ZNF681: variants seen among roughly 807,000 people sequenced by gnomAD.
ZNF681 encodes the protein zinc finger protein 681, also known as hypothetical protein FLJ31526.
ZNF681 carries 37 observed loss-of-function variants against 56.0 expected under a neutral mutation model. The ratio of observed to expected loss-of-function variants is 0.66; its 90% CI spans 0.51 to 0.87. ZNF681 has a LOEUF of 0.87. Among genes scored for constraint, ZNF681 ranks in the 40% least tolerant of loss-of-function variants. The probability of loss-of-function intolerance (pLI) is 0.00; values close to 1 mark genes in which losing one functional copy is unlikely to be tolerated. For synonymous variants in ZNF681, 225 were observed against 248.6 expected (o/e 0.91, Z 0.89); for missense variants, 741 against 744.9 (o/e 0.99, Z 0.06).
intron 1 of ZNF681, among the ~76,000 whole-genome samples, chr19:23,757,727 A>G (rs1054464685): frequency 1.3e-5 from 2 of 152,276 alleles, no homozygotes; most frequent in Non-Finnish European, 1.5e-5. Context: ...GGGTAGGGCC[A>G]GACCTAAATA....
intron 3 of ZNF681, among the ~76,000 whole-genome samples, chr19:23,745,939 A>G (rs1968938770): frequency 6.6e-6 from 1 of 152,218 alleles, no homozygotes; most frequent in African/African-American, 2.4e-5. Flanking sequence ...GCTCCCCAAT[A>G]TAACATAATG....
chr19:23,747,167 C>T (rs1968956106), intron 3 of ZNF681, among the ~76,000 whole-genome samples: 1 of 152,078 alleles, frequency 6.6e-6, no homozygotes, highest in African/African-American at 2.4e-5. Flanking sequence ...TAAATGTTTT[C>T]TGACTAAGAC....
In ZNF681 at chr19:23,741,001, C is replaced by T. The variant is rs113841642; in HGVS notation, c.*2611G>A. On this transcript the variant is annotated 3_prime_UTR_variant, in exon 4 of 4. Transcript: ENST00000402377. ...GGGAGATTCTGAATTATAAGCCATA[C>T]AATTTTACAGTAATCAATTCAATAC... 1 of 152,036 alleles carries T rather than the reference C, an allele frequency of 6.6e-6. No individual in the cohort carries two copies. The highest frequency in any genetic ancestry group is 2.4e-5 in the African/African-American group (1 of 41,414). The allele number at this position is 152,036 out of a possible 1,614,324, so 9.4% of individuals were successfully genotyped here.
chr19:23,744,894 ATTCTT>A lies in ZNF681; in HGVS notation c.651_655del (p.Lys217AsnfsTer11), dbSNP rs746458263. The stretch of plus-strand genomic sequence containing the variant: ...TATGTACGATTTCTCTCCAATATGA[ATTCTT>A]TTATGTTTAGTAAAGATTGAGGATC... On this transcript the variant is annotated frameshift_variant, in exon 4 of 4. Transcript: ENST00000402377. LOFTEE classifies it high-confidence loss of function. 3 of 1,610,076 alleles carry A rather than the reference ATTCTT, an allele frequency of 1.9e-6. No individual in the cohort carries two copies. The South Asian group carries it at 3.3e-5, about 18-fold the overall frequency.
intron 3 of ZNF681, among the ~76,000 whole-genome samples, chr19:23,751,692 ATT>A (rs1427514188): frequency 6.6e-6 from 1 of 150,840 alleles, no homozygotes; most frequent in Non-Finnish European, 1.5e-5. Context: ...TTATTTATTT[ATT>A]TATTTTTTTG....
rs777180489 is a variant in ZNF681, at chr19:23,755,560, C to G, written c.4-9G>C. Reference sequence around the variant, plus strand: ...CTAAATTTCAATGGTTCCTGAAAAACACACACACACACACACACACACACA... The same window carrying G: ...CTAAATTTCAATGGTTCCTGAAAAAGACACACACACACACACACACACACA... On this transcript the variant is annotated splice_polypyrimidine_tract_variant and intron_variant, in intron 1 of 3. Transcript: ENST00000402377. 9 of 1,158,414 alleles carry G rather than the reference C, an allele frequency of 7.8e-6. No homozygotes were observed. In the Middle Eastern group the frequency reaches 9.9e-4, roughly 128 times the overall value. 71.8% of individuals were successfully genotyped at this position (1,158,414 alleles called of 1,614,324 possible). A position where few individuals can be genotyped will look rare whatever the true frequency, so the allele number is the denominator to read the frequency against.
At chr19:23,748,535 C>G (rs534042357) in intron 3 of ZNF681, among the ~76,000 whole-genome samples, 19 of 152,232 alleles carry the variant, frequency 1.2e-4, no homozygotes, top group African/African-American at 4.1e-4. Context: ...TCAATAAATA[C>G]AAAGGGGTAT....
Position 23,743,490 on chromosome 19 carries a change from G to A in ZNF681, c.*122C>T. 1 of 878,980 alleles carries A rather than the reference G, an allele frequency of 1.1e-6. No individual in the cohort carries two copies. The highest frequency in any genetic ancestry group is 1.6e-6 in the Non-Finnish European group (1 of 612,300). 54.4% of individuals were successfully genotyped at this position (878,980 alleles called of 1,614,324 possible). ...CAAATGCTTTCCTGTGCAATAAGGT[G>A]TGAGCATTGGTTAAAAGTTTTGCCA... On this transcript the variant is annotated 3_prime_UTR_variant, in exon 4 of 4. Coordinates refer to ENST00000402377, the MANE Select transcript of ZNF681 (RefSeq NM_138286.3).
At chr19:23,751,982 C>A (rs142109601) in intron 3 of ZNF681, among the ~76,000 whole-genome samples, 1,790 of 152,240 alleles carry the variant, frequency 0.012, 40 homozygotes, top group African/African-American at 0.04. Flanking sequence ...CCACTGCGCC[C>A]GGCCTGAGGT....
rs993413792 is a variant in ZNF681, at chr19:23,740,529, A to G, written c.*3083T>C. 3.3e-5 allele frequency: 5 copies of G among 152,188 alleles called. No individual in the cohort carries two copies. The highest frequency in any genetic ancestry group is 9.7e-5 in the African/African-American group (4 of 41,444). 9.4% of individuals were successfully genotyped at this position (152,188 alleles called of 1,614,324 possible). ...GTTCCATCTCTGTCTTGAAGTTACA[A>G]ACTAACTCCAACAGGAATATTTATG... On this transcript the variant is annotated 3_prime_UTR_variant, in exon 4 of 4. Transcript: ENST00000402377.
intron 3 of ZNF681, among the ~76,000 whole-genome samples, chr19:23,747,517 G>A (rs2144843378): frequency 6.6e-6 from 1 of 151,718 alleles, no homozygotes; most frequent in East Asian, 2.0e-4. Context: ...GCGGGCACCT[G>A]TAGTCCCAGC....
intron 3 of ZNF681, among the ~76,000 whole-genome samples, chr19:23,754,464 G>C (rs1182111015): frequency 6.7e-6 from 1 of 148,526 alleles, no homozygotes; most frequent in Non-Finnish European, 1.5e-5. Flanking sequence ...AGGAGTTCGA[G>C]ACCAGCCTGG....
intron 3 of ZNF681, among the ~76,000 whole-genome samples, chr19:23,746,576 C>T (rs1307384927): frequency 1.3e-5 from 2 of 152,034 alleles, no homozygotes; most frequent in Non-Finnish European, 2.9e-5. Context: ...TTTTTGATTA[C>T]CAAGAGGGTG....
chr19:23,755,020 A>C, intron 2 of ZNF681, 102 bp from the exon 3 acceptor site: 1 of 793,190 alleles, frequency 1.3e-6, no homozygotes, highest in Non-Finnish European at 2.0e-6. Context: ...ATTCTTGTAA[A>C]TCAATCCCAA....
At chr19:23,758,040 G>T (rs879649149) in intron 1 of ZNF681, among the ~76,000 whole-genome samples, 5 of 152,182 alleles carry the variant, frequency 3.3e-5, no homozygotes, top group Admixed American at 2.0e-4. Flanking sequence ...TAATTCTTCT[G>T]TCTATAAATA....
At chr19:23,757,829 TTC>T (rs1018352567) in intron 1 of ZNF681, among the ~76,000 whole-genome samples, 12 of 152,210 alleles carry the variant, frequency 7.9e-5, no homozygotes, top group African/African-American at 2.9e-4. Context: ...GTATTTCCAG[TTC>T]TGTTTTTCCT....
intron 3 of ZNF681, among the ~76,000 whole-genome samples, chr19:23,746,393 G>A (rs1968945334): frequency 6.6e-6 from 1 of 152,084 alleles, no homozygotes; most frequent in African/African-American, 2.4e-5. Context: ...GTGCATGCCA[G>A]CATCGACTTC....
chr19:23,746,383 G>A (rs1386069805), intron 3 of ZNF681, among the ~76,000 whole-genome samples: 1 of 152,092 alleles, frequency 6.6e-6, no homozygotes, highest in African/African-American at 2.4e-5. Context: ...TGTACAAGAA[G>A]TGCATGCCAG....
rs938258312 is a variant in ZNF681 at position 23,753,427 on chromosome 19, A to G, written c.226+1396T>C. ...AAAAAATCTTATTTACAATAGCATT[A>G]AAATAAATTTCTGAGAAGAAATTTA... On this transcript the variant is annotated intron_variant, in intron 3 of 3. Transcript: ENST00000402377. 1.1e-4 allele frequency among the ~76,000 whole-genome samples: 17 copies of G among 152,420 alleles called. No homozygotes were observed. In the South Asian group the frequency reaches 3.5e-3, roughly 32 times the overall value.
Sources: gnomAD v4.1 joint callset for allele counts (sites outside exome capture counted in the v4.1 genomes callset) on GRCh38, gnomAD v4.1.1 for gene constraint, MANE v1.5 for transcripts, NCBI Gene and HGNC (gene_info 2026-07-23, HGNC 2026-07-21) for gene names.